The following SUGCT variants were observed in gnomAD, a reference collection of about 807,000 sequenced individuals.
SUGCT encodes succinyl-CoA:glutarate CoA-transferase.
A neutral mutation model predicts 55.0 loss-of-function variants in SUGCT; 41 were observed. That is an observed-to-expected ratio of 0.74 (90% CI 0.58 to 0.97). SUGCT has a LOEUF of 0.97. Among genes scored for constraint, SUGCT ranks in the 50% least tolerant of loss-of-function variants. SUGCT has a pLI of 0.00. For synonymous variants in SUGCT, 187 were observed against 200.4 expected (o/e 0.93, Z 0.56); for missense variants, 568 against 547.8 (o/e 1.04, Z -0.37).
At chr7:40,499,457 A>G (rs1648373371) in intron 12 of SUGCT, 1 of 194,200 alleles carries the variant, frequency 5.1e-6, no homozygotes, top group African/African-American at 2.4e-5. Context: ...CGATTCAATC[A>G]AAACAACAGA....
At chr7:40,188,463 C>G (rs62456121) in intron 3 of SUGCT, 32 bp from the exon 4 acceptor site, 27 of 1,414,772 alleles carry the variant, frequency 1.9e-5, no homozygotes, top group Non-Finnish European at 2.4e-5. Context: ...AAACAAACCC[C>G]AAAGATTAAT....
At chr7:40,416,997 A>G (rs1787038339) in intron 9 of SUGCT, among the ~76,000 whole-genome samples, 1 of 151,964 alleles carries the variant, frequency 6.6e-6, no homozygotes, top group African/African-American at 2.4e-5. Context: ...ATTTTTCTAG[A>G]GAATTATCCA....
intron 12 of SUGCT, among the ~76,000 whole-genome samples, chr7:40,626,972 A>G (rs1799555880): frequency 2.0e-5 from 3 of 152,198 alleles, no homozygotes. Context: ...AAGGAAGGCA[A>G]TATGATGAAA....
At chr7:40,888,879 C>T in the SUGCT span, among the ~76,000 whole-genome samples, 1 of 152,184 alleles carries the variant, frequency 6.6e-6, no homozygotes, top group Non-Finnish European at 1.5e-5. Flanking sequence ...TGGCAGTGTC[C>T]ACTTCTGTTT....
At chr7:40,495,705 C>G (rs1171556600) in intron 11 of SUGCT, among the ~76,000 whole-genome samples, 1 of 152,096 alleles carries the variant, frequency 6.6e-6, no homozygotes, top group Non-Finnish European at 1.5e-5. Flanking sequence ...ATAAAACAGA[C>G]AAAGGATTTG....
intron 8 of SUGCT, among the ~76,000 whole-genome samples, chr7:40,308,807 C>T (rs193256460): frequency 1.2e-4 from 18 of 152,228 alleles, no homozygotes; most frequent in African/African-American, 3.9e-4. Flanking sequence ...GTCAGGAGTT[C>T]GAGACCAGCC....
chr7:40,708,112 A>G (rs1056442440), intron 12 of SUGCT, among the ~76,000 whole-genome samples: 1 of 152,174 alleles, frequency 6.6e-6, no homozygotes, highest in Non-Finnish European at 1.5e-5. Context: ...GATACTTGCC[A>G]TGTCTCCACA....
chr7:40,353,236 C>G (rs145928685), intron 9 of SUGCT, among the ~76,000 whole-genome samples: 5 of 152,220 alleles, frequency 3.3e-5, no homozygotes, highest in Non-Finnish European at 7.4e-5. Context: ...AAAAATAAGA[C>G]TAGAAGAGCA....
At chr7:40,489,324 C>G (rs2151504683) in intron 11 of SUGCT, among the ~76,000 whole-genome samples, 1 of 151,500 alleles carries the variant, frequency 6.6e-6, no homozygotes, top group East Asian at 1.9e-4. Flanking sequence ...TTTAATTTCT[C>G]TGTTACATTT....
In SUGCT at chr7:40,860,514, C is replaced by T. The variant is rs755439601; in HGVS notation, c.*35C>T. On this transcript the variant is annotated 3_prime_UTR_variant, in exon 14 of 14. Coordinates refer to ENST00000335693, the MANE Select transcript of SUGCT (RefSeq NM_001193313.2). ...AGGGCTCTTCCTCATAACCTCGATC[C>T]GAATACACTGGCAAAGGCAACACTT... 10 of 1,584,364 alleles carry T rather than the reference C, an allele frequency of 6.3e-6. No individual in the cohort carries two copies. The highest frequency in any genetic ancestry group is 1.1e-5 in the South Asian group (1 of 87,060).
chr7:40,958,113 C>A, the SUGCT span, among the ~76,000 whole-genome samples: 5 of 152,038 alleles, frequency 3.3e-5, no homozygotes, highest in African/African-American at 1.2e-4. Context: ...TCATTTCAAC[C>A]TTGGTGAATC....
chr7:40,954,971 G>A, the SUGCT span, among the ~76,000 whole-genome samples: 1 of 152,024 alleles, frequency 6.6e-6, no homozygotes, highest in Non-Finnish European at 1.5e-5. Context: ...TATTTTTGAG[G>A]TCTCTGTTCT....
intron 10 of SUGCT, among the ~76,000 whole-genome samples, chr7:40,458,153 G>T (rs920255594): frequency 6.6e-6 from 1 of 152,062 alleles, no homozygotes; most frequent in Non-Finnish European, 1.5e-5. Flanking sequence ...TTAAACTGTG[G>T]CAAATAAATG....
At chr7:40,320,688 T>C (rs1795679167) in intron 9 of SUGCT, among the ~76,000 whole-genome samples, 1 of 152,232 alleles carries the variant, frequency 6.6e-6, no homozygotes, top group South Asian at 2.1e-4. Context: ...TGACCCACAC[T>C]GACCTCTACT....
chr7:40,363,476 T>A (rs1798256791), intron 9 of SUGCT, among the ~76,000 whole-genome samples: 1 of 152,254 alleles, frequency 6.6e-6, no homozygotes, highest in Non-Finnish European at 1.5e-5. Context: ...CTCTACACAC[T>A]GCTTTGAATG....
intron 9 of SUGCT, among the ~76,000 whole-genome samples, chr7:40,349,403 C>T (rs1246783222): frequency 6.6e-6 from 1 of 152,110 alleles, no homozygotes; most frequent in East Asian, 1.9e-4. Context: ...GGCTGGAGTG[C>T]AGTGGCTCAA....
the SUGCT span, among the ~76,000 whole-genome samples, chr7:40,880,317 T>G: frequency 1.1e-4 from 17 of 152,334 alleles, no homozygotes; most frequent in Non-Finnish European, 2.2e-4. Context: ...TAAGTTATGC[T>G]CTATACTCCC....
chr7:40,537,079 T>G (rs1794403864), intron 12 of SUGCT, among the ~76,000 whole-genome samples: 1 of 152,234 alleles, frequency 6.6e-6, no homozygotes, highest in Non-Finnish European at 1.5e-5. Context: ...GAAATCGCTT[T>G]TGGTTTCAGA....
intron 13 of SUGCT, among the ~76,000 whole-genome samples, chr7:40,766,233 C>T (rs1015575992): frequency 6.6e-6 from 1 of 152,158 alleles, no homozygotes; most frequent in Admixed American, 6.5e-5. Context: ...TATTTAGAGA[C>T]AGGGTCTCAC....
Sources: allele counts gnomAD v4.1 joint callset (sites outside exome capture counted in the v4.1 genomes callset), GRCh38; gene constraint gnomAD v4.1.1; transcripts MANE v1.5; gene names NCBI Gene and HGNC (gene_info 2026-07-23, HGNC 2026-07-21).